The following CHD2 variants were observed in gnomAD, a reference collection of about 807,000 sequenced individuals.
CHD2 encodes ATP-dependent chromatin remodeler CHD2.
Under a neutral mutation model 243.9 loss-of-function variants are expected in CHD2, and 28 were observed. The ratio of observed to expected loss-of-function variants is 0.11; its 90% CI spans 0.09 to 0.16. The LOEUF (loss-of-function observed/expected upper bound fraction) is 0.16, where lower values mean the gene tolerates loss of function less well. Among genes scored for constraint, CHD2 ranks in the 10% least tolerant of loss-of-function variants. CHD2 has a pLI of 1.00. For synonymous variants in CHD2, 775 were observed against 779.0 expected (o/e 0.99, Z 0.09); for missense variants, 1,386 against 2,209.8 (o/e 0.63, Z 7.47).
Position 93,027,845 on chromosome 15 carries a change from ATTAAT to A in CHD2, c.*3144_*3148del, listed in dbSNP as rs773190264. On this transcript the variant is annotated 3_prime_UTR_variant, in exon 39 of 39. Coordinates refer to ENST00000394196, the MANE Select transcript of CHD2 (RefSeq NM_001271.4). ...TTTAAAACCTGTTGACTAAACAGTA[ATTAAT>A]TTATATTTGTGAAAAATGCCACTGT... The A allele has an allele frequency of 5.9e-5, 9 of 152,664 alleles. No individual in the cohort carries two copies. The highest frequency in any genetic ancestry group is 8.8e-5 in the Non-Finnish European group (6 of 68,048). The allele number at this position is 152,664 out of a possible 1,614,324, so 9.5% of individuals were successfully genotyped here. A position where few individuals can be genotyped will look rare whatever the true frequency, so the allele number is the denominator to read the frequency against.
chr15:92,922,983 G>C (rs1264468161), intron 2 of CHD2, among the ~76,000 whole-genome samples: 2 of 152,182 alleles, frequency 1.3e-5, no homozygotes, highest in Non-Finnish European at 2.9e-5. Context: ...TTGGAATGAA[G>C]AAGGGAAGGG....
At chr15:92,909,502 A>C (rs549445553) in intron 2 of CHD2, among the ~76,000 whole-genome samples, 18 of 152,086 alleles carry the variant, frequency 1.2e-4, no homozygotes, top group African/African-American at 4.3e-4. Flanking sequence ...ACAGAGTCTC[A>C]CTCTGCTGTG....
At chr15:92,964,941 C>A (rs1169852684) in intron 16 of CHD2, among the ~76,000 whole-genome samples, 2 of 151,978 alleles carry the variant, frequency 1.3e-5, no homozygotes, top group African/African-American at 4.8e-5. Context: ...ATTTTTTTTG[C>A]ACTTTTCCTT....
Position 92,971,868 on chromosome 15 carries a change from T to A in CHD2, c.2293T>A (p.Cys765Ser). The stretch of plus-strand genomic sequence containing the variant: ...GGAACTGAAAAAATGTTGCAACCAC[T>A]GCTATCTGATTAAACCCCCTGAAGA... Reference protein sequence around the residue: ...VMELKKCCNHCYLIKPPEENE... With the variant: ...VMELKKCCNHSYLIKPPEENE... The change falls in exon 18 of 39, where the codon TGC becomes AGC. Residue 765 changes from cysteine (C) to serine (S), a missense_variant. Around this residue, in one of 19 missense-constraint regions of CHD2, gnomAD observed 118 missense variants for 266.3 expected, o/e 0.44. Coordinates refer to ENST00000394196, the MANE Select transcript of CHD2 (RefSeq NM_001271.4). 6.2e-7 allele frequency: 1 copy of A among 1,613,924 alleles called. No individual in the cohort carries two copies. The highest frequency in any genetic ancestry group is 8.5e-7 in the Non-Finnish European group (1 of 1,179,926).
At chr15:92,935,179 G>A (rs1282767227) in intron 5 of CHD2, among the ~76,000 whole-genome samples, 1 of 151,964 alleles carries the variant, frequency 6.6e-6, no homozygotes, top group Non-Finnish European at 1.5e-5. Flanking sequence ...GGGACTACGG[G>A]CGCCCGCCAC....
chr15:92,916,362 C>T (rs1489492606), intron 2 of CHD2, among the ~76,000 whole-genome samples: 1 of 152,210 alleles, frequency 6.6e-6, no homozygotes, highest in Non-Finnish European at 1.5e-5. Context: ...CATAATTCAG[C>T]CCTAATCTAG....
chr15:92,948,522 G>T (rs1367726103), intron 12 of CHD2, among the ~76,000 whole-genome samples: 7 of 152,104 alleles, frequency 4.6e-5, no homozygotes, highest in African/African-American at 1.7e-4. Context: ...GAGTGAGGTG[G>T]TGATTCACAC....
intron 32 of CHD2, 128 bp downstream of exon 32, chr15:93,000,768 T>C (rs2054244591): frequency 1.9e-6 from 2 of 1,035,120 alleles, no homozygotes; most frequent in Middle Eastern, 3.1e-4. Context: ...AATATGTAAG[T>C]CTTCGCTTAA....
At chr15:92,917,947 T>A (rs1046281125) in intron 2 of CHD2, among the ~76,000 whole-genome samples, 2 of 152,096 alleles carry the variant, frequency 1.3e-5, no homozygotes, top group African/African-American at 4.8e-5. Flanking sequence ...CCAGTGTAGA[T>A]TGCTTTGTGA....
chr15:92,963,314 C>T (rs1270697119), intron 16 of CHD2, among the ~76,000 whole-genome samples: 1 of 151,892 alleles, frequency 6.6e-6, no homozygotes. Context: ...CATTTTAATT[C>T]CTGTTAATTT....
intron 4 of CHD2, among the ~76,000 whole-genome samples, chr15:92,928,731 C>T (rs553420420): frequency 5.9e-5 from 9 of 152,310 alleles, no homozygotes; most frequent in South Asian, 2.1e-4. Context: ...CTGTATTGGA[C>T]ATTGTAGATA....
intron 2 of CHD2, among the ~76,000 whole-genome samples, chr15:92,915,660 A>G (rs1031466986): frequency 1.3e-5 from 2 of 152,216 alleles, no homozygotes; most frequent in Admixed American, 6.5e-5. Flanking sequence ...TAAAATGTAC[A>G]TGGTTATGTA....
rs764079056 is a variant in CHD2 at position 92,945,799 on chromosome 15, G to C, written c.1154-22G>C. 3.3e-6 allele frequency: 5 copies of C among 1,492,802 alleles called. No individual in the cohort carries two copies. The East Asian group carries it at 1.2e-4, about 34-fold the overall frequency. 92.5% of individuals were successfully genotyped at this position (1,492,802 alleles called of 1,614,324 possible). A position where few individuals can be genotyped will look rare whatever the true frequency, so the allele number is the denominator to read the frequency against. ...TCTTCATTGTGTTTATAACTTTTCT[G>C]TCTTATTTTTTATTTGTTTAGCTGT... On this transcript the variant is annotated intron_variant, in intron 10 of 38. Transcript: ENST00000394196.
intron 5 of CHD2, among the ~76,000 whole-genome samples, chr15:92,930,522 T>C (rs1318689): frequency 0.6 from 91,430 of 151,878 alleles, 27,962 homozygotes; most frequent in East Asian, 0.86. Context: ...AGCCTTGGCT[T>C]GCTGGACTTA....
At chr15:92,976,499 A>G (rs2053910102) in intron 20 of CHD2, among the ~76,000 whole-genome samples, 2 of 151,798 alleles carry the variant, frequency 1.3e-5, no homozygotes, top group Non-Finnish European at 2.9e-5. Context: ...TGTTGCATAC[A>G]GTTTTGTTCC....
At chr15:92,904,334 C>A (rs536462632) in intron 2 of CHD2, 4 of 551,452 alleles carry the variant, frequency 7.3e-6, no homozygotes, top group Non-Finnish European at 9.2e-6. Flanking sequence ...GTGCGCGCGC[C>A]TGGTAACAGC....
intron 35 of CHD2, among the ~76,000 whole-genome samples, chr15:93,012,050 C>T (rs538488084): frequency 4.6e-5 from 7 of 152,230 alleles, no homozygotes; most frequent in South Asian, 2.1e-4. Flanking sequence ...TAAAGGTGTA[C>T]GGTAAGTCCT....
At chr15:92,912,671 C>T (rs2052759765) in intron 2 of CHD2, among the ~76,000 whole-genome samples, 1 of 152,130 alleles carries the variant, frequency 6.6e-6, no homozygotes, top group Non-Finnish European at 1.5e-5. Flanking sequence ...GTAGCTGGGA[C>T]CACAGGTGCC....
At chr15:93,006,038 T>G (rs180757350) in intron 34 of CHD2, among the ~76,000 whole-genome samples, 27 of 152,032 alleles carry the variant, frequency 1.8e-4, no homozygotes, top group Non-Finnish European at 3.2e-4. Flanking sequence ...TTTTGTCAAA[T>G]CTGAATTTTT....
Sources: gnomAD v4.1 joint callset for allele counts (sites outside exome capture counted in the v4.1 genomes callset) on GRCh38, gnomAD v4.1.1 for gene constraint, gnomAD v4.1.1 regional missense constraint, MANE v1.5 for transcripts, NCBI Gene and HGNC (gene_info 2026-07-23, HGNC 2026-07-21) for gene names.